The following KCNAB2 variants were observed in gnomAD, a reference collection of about 807,000 sequenced individuals.
The protein encoded by KCNAB2 is voltage-gated potassium channel subunit beta-2.
Under a neutral mutation model 63.6 loss-of-function variants are expected in KCNAB2, and 29 were observed. The ratio of observed to expected loss-of-function variants is 0.46; its 90% CI spans 0.34 to 0.62. The LOEUF is 0.62. Among genes scored for constraint, KCNAB2 ranks in the 20% least tolerant of loss-of-function variants. KCNAB2 has a pLI of 0.01. For synonymous variants in KCNAB2, 222 were observed against 224.2 expected, an observed-to-expected ratio of 0.99 and a Z score of 0.09; for missense variants, 359 against 563.9, an observed-to-expected ratio of 0.64 and a Z score of 3.68.
Position 6,082,122 on chromosome 1 carries a change from C to T in KCNAB2, c.301-73C>T, listed in dbSNP as rs776122088. 4.5e-5 allele frequency: 61 copies of T among 1,354,682 alleles called. No homozygotes were observed. The Middle Eastern group carries it at 5.4e-4, about 12-fold the overall frequency. 83.9% of individuals were successfully genotyped at this position (1,354,682 alleles called of 1,614,324 possible). On this transcript the variant is annotated intron_variant, in intron 4 of 15. Coordinates refer to ENST00000378083, the MANE Select transcript of KCNAB2 (RefSeq NM_001199862.2). ...CTGGACACGGGGAGGCCTCCCAGGCCGAGAGGGTGGTGCTCCAGAGCCTCT... is the reference window on the plus strand; with the variant it reads ...CTGGACACGGGGAGGCCTCCCAGGCTGAGAGGGTGGTGCTCCAGAGCCTCT...
At chr1:6,041,504 G>T (rs1387213381), upstream of KCNAB2, 3 of 364,408 alleles carry the variant, frequency 8.2e-6, no homozygotes, top group African/African-American at 6.2e-5. Context: ...ATATTGCAAA[G>T]CAAGTCCTGA....
chr1:6,078,695 G>A lies in KCNAB2; in HGVS notation c.301-3500G>A, dbSNP rs1371653274. Among the ~76,000 whole-genome samples, 1 of 152,208 alleles carries A rather than the reference G, an allele frequency of 6.6e-6. No homozygotes were observed. The highest frequency in any genetic ancestry group is 1.5e-5 in the Non-Finnish European group (1 of 68,032). On this transcript the variant is annotated intron_variant, in intron 4 of 15. Transcript: ENST00000378083. This position sits in a 1 kb window ranked among gnomAD's most constrained non-coding sequence, Gnocchi z 4.2. ...CTTTTGCATGGAGGAAATTTGACCTGATTTAAAAGGTCTGCCAAGGCTCGC... is the reference window on the plus strand; with the variant it reads ...CTTTTGCATGGAGGAAATTTGACCTAATTTAAAAGGTCTGCCAAGGCTCGC...
chr1:6,057,000 G>T (rs760106097), intron 2 of KCNAB2, among the ~76,000 whole-genome samples: 4 of 151,816 alleles, frequency 2.6e-5, no homozygotes, highest in Non-Finnish European at 5.9e-5. Context: ...TCAGAGCTTT[G>T]TCTGTCCCTG....
At chr1:6,007,051 G>T (rs1657838535) in intron 1 of KCNAB2, among the ~76,000 whole-genome samples, 2 of 152,166 alleles carry the variant, frequency 1.3e-5, no homozygotes, top group African/African-American at 4.8e-5. Context: ...TCTCTGCTCA[G>T]GGCTGGCCGA....
intron 4 of KCNAB2, among the ~76,000 whole-genome samples, chr1:6,080,771 G>A (rs1482767596): frequency 6.6e-6 from 1 of 152,186 alleles, no homozygotes; most frequent in African/African-American, 2.4e-5. Flanking sequence ...TCTCCCATGG[G>A]TGCCCCCCAG....
At chr1:6,021,139 C>T (rs191013177) in intron 1 of KCNAB2, among the ~76,000 whole-genome samples, 234 of 152,246 alleles carry the variant, frequency 1.5e-3, no homozygotes, top group African/African-American at 4.7e-3. Flanking sequence ...ACTGCAGGTG[C>T]ACATCACCAT....
intron 1 of KCNAB2, among the ~76,000 whole-genome samples, chr1:6,001,011 G>A (rs1027738725): frequency 2.6e-5 from 4 of 152,194 alleles, no homozygotes; most frequent in African/African-American, 9.7e-5. Flanking sequence ...GCACTGGATG[G>A]CTGTGGCCTC....
At chr1:6,064,995 A>AC in intron 2 of KCNAB2, among the ~76,000 whole-genome samples, 1 of 151,996 alleles carries the variant, frequency 6.6e-6, no homozygotes, top group South Asian at 2.1e-4. Flanking sequence ...TGTCCCTTTG[A>AC]CCCCCGCGTT....
intron 1 of KCNAB2, among the ~76,000 whole-genome samples, chr1:6,005,506 T>C (rs1570831795): frequency 7.2e-6 from 1 of 139,152 alleles, no homozygotes; most frequent in Non-Finnish European, 1.6e-5. Context: ...GCACACCTGG[T>C]AGGAAGCCAG....
chr1:6,078,359 A>T lies in KCNAB2; in HGVS notation c.301-3836A>T, dbSNP rs1313591561. On this transcript the variant is annotated intron_variant, in intron 4 of 15. Transcript: ENST00000378083. The surrounding 1 kb of genome is among the most constrained non-coding windows in gnomAD (Gnocchi z 4.2). ...AAAGTCCCTCTTTCTACCTAAGGTC[A>T]CATTCCCAGGTTCCAGGGACGTGAT... Among the ~76,000 whole-genome samples the T allele has an allele frequency of 6.6e-6, 1 of 152,146 alleles. No individual in the cohort carries two copies. The highest frequency in any genetic ancestry group is 1.5e-5 in the Non-Finnish European group (1 of 68,030).
At chr1:5,992,844 G>A (rs1014426417) in intron 1 of KCNAB2, 1 of 151,616 alleles carries the variant, frequency 6.6e-6, no homozygotes, top group Non-Finnish European at 1.5e-5. Context: ...GCTCCGGGAC[G>A]GCGGCGGCGG....
In KCNAB2 at chr1:6,028,296, C is replaced by A. The variant is rs1282725170; in HGVS notation, c.-52-12221C>A. On this transcript the variant is annotated intron_variant, in intron 1 of 16. Coordinates refer to the KCNAB2 transcript ENST00000341524. This position sits in a 1 kb window ranked among gnomAD's most constrained non-coding sequence, Gnocchi z 4.0. Reference sequence around the variant, plus strand: ...CGGTTTTGAGCAGTTATACCTCTTCCTGTCTCCGCTGGAAGCACAGTCACT... The same window carrying A: ...CGGTTTTGAGCAGTTATACCTCTTCATGTCTCCGCTGGAAGCACAGTCACT... 6.6e-6 allele frequency among the ~76,000 whole-genome samples: 1 copy of A among 152,220 alleles called. No homozygotes were observed.
intron 2 of KCNAB2, among the ~76,000 whole-genome samples, chr1:6,058,577 G>A (rs1570982730): frequency 1.3e-5 from 2 of 152,362 alleles, no homozygotes; most frequent in East Asian, 3.9e-4. Context: ...AGAAATGCAG[G>A]CCCTTCCCGT....
At position 6,028,062 on chromosome 1, in the gene KCNAB2, C is replaced by T. The variant is rs1215788834; in HGVS notation, c.-52-12455C>T. On this transcript the variant is annotated intron_variant, in intron 1 of 16. Coordinates refer to the KCNAB2 transcript ENST00000341524. This position sits in a 1 kb window ranked among gnomAD's most constrained non-coding sequence, Gnocchi z 4.0. ...TGGGGTGTCCTTCTGACAAATGGGC[C>T]TTTCTTCCAGATCCCCATCATGACC... 1.3e-5 allele frequency among the ~76,000 whole-genome samples: 2 copies of T among 152,254 alleles called. No homozygotes were observed. The highest frequency in any genetic ancestry group is 2.9e-5 in the Non-Finnish European group (2 of 68,042).
At chr1:6,038,205 C>T (rs1180115627) in intron 1 of KCNAB2, among the ~76,000 whole-genome samples, 5 of 152,090 alleles carry the variant, frequency 3.3e-5, no homozygotes, top group African/African-American at 9.6e-5. Flanking sequence ...AATAAAACTC[C>T]AGGGGATCGT....
chr1:6,078,033 G>A lies in KCNAB2; in HGVS notation c.301-4162G>A, dbSNP rs1038511685. 6.7e-6 allele frequency among the ~76,000 whole-genome samples: 1 copy of A among 149,820 alleles called. No homozygotes were observed. Among genetic ancestry groups the A allele is most frequent in the Non-Finnish European group, 1.5e-5 (1 of 67,570 alleles). On this transcript the variant is annotated intron_variant, in intron 4 of 15. Coordinates refer to ENST00000378083, the MANE Select transcript of KCNAB2 (RefSeq NM_001199862.2). This position sits in a 1 kb window ranked among gnomAD's most constrained non-coding sequence, Gnocchi z 4.2. ...CTAAGTCCAGGAGTCAGCCGGGCCG[G>A]GCTTCCTTCTCCCGGCCAGGACCTT...
rs944396106 is a variant in KCNAB2, at chr1:5,994,904, G to C, written c.-53+2116G>C. Among the ~76,000 whole-genome samples the C allele has an allele frequency of 6.6e-6, 1 of 152,218 alleles. No homozygotes were observed. ...TGGCAGTTTCCGGCCTGGGCTTGGAGGGAGGGGCCTCCCCTAGACCTTCCT... is the reference window on the plus strand; with the variant it reads ...TGGCAGTTTCCGGCCTGGGCTTGGACGGAGGGGCCTCCCCTAGACCTTCCT... On this transcript the variant is annotated intron_variant, in intron 1 of 16. Transcript: ENST00000341524. The surrounding 1 kb of genome is among the most constrained non-coding windows in gnomAD (Gnocchi z 5.4).
intron 1 of KCNAB2, among the ~76,000 whole-genome samples, chr1:6,025,190 C>A (rs944215469): frequency 2.0e-5 from 3 of 152,124 alleles, no homozygotes; most frequent in Non-Finnish European, 2.9e-5. Flanking sequence ...TTATCTTTAT[C>A]CTGCCGGGAA....
rs951002947 is a variant in KCNAB2 at position 6,078,498 on chromosome 1, C to T, written c.301-3697C>T. 8.5e-5 allele frequency among the ~76,000 whole-genome samples: 13 copies of T among 152,112 alleles called. No individual in the cohort carries two copies. The highest frequency in any genetic ancestry group is 2.6e-4 in the Admixed American group (4 of 15,262). On this transcript the variant is annotated intron_variant, in intron 4 of 15. Transcript: ENST00000378083. The surrounding 1 kb of genome is among the most constrained non-coding windows in gnomAD (Gnocchi z 4.2). The stretch of plus-strand genomic sequence containing the variant: ...CAGGAAGCAGAAGCGAGCAAGGACG[C>T]CACGTGGTGGTCCAGAGAAAGAGCC...
Sources: gnomAD v4.1 joint callset for allele counts (sites outside exome capture counted in the v4.1 genomes callset) on GRCh38, gnomAD v4.1.1 for gene constraint, Gnocchi (gnomAD v3.1) non-coding constraint, MANE v1.5 for transcripts, NCBI Gene and HGNC (gene_info 2026-07-23, HGNC 2026-07-21) for gene names.